Variants in SENP7 observed in about 807,000 individuals in gnomAD.
SENP7 encodes SUMO specific peptidase 7, also known as sentrin-specific protease 7.
In SENP7, 64 loss-of-function variants were observed where a neutral mutation model predicts 141.2. That is an observed-to-expected ratio of 0.45 (90% CI 0.37 to 0.56). SENP7 has a LOEUF of 0.56. Among genes scored for constraint, SENP7 ranks in the 20% least tolerant of loss-of-function variants. The pLI is 0.00. For synonymous variants in SENP7, 382 were observed against 426.4 expected (o/e 0.90, Z 1.28); for missense variants, 1,025 against 1,212.2 (o/e 0.85, Z 2.29).
chr3:101,383,831 AG>A (rs2060576275), intron 6 of SENP7, among the ~76,000 whole-genome samples: 1 of 152,216 alleles, frequency 6.6e-6, no homozygotes, highest in East Asian at 1.9e-4. Flanking sequence ...GAGGCAGACC[AG>A]TTCCTGGGCA....
At chr3:101,466,912 G>A (rs1008708826) in intron 3 of SENP7, among the ~76,000 whole-genome samples, 4 of 152,184 alleles carry the variant, frequency 2.6e-5, no homozygotes, top group Admixed American at 6.5e-5. Context: ...AAGGAGTCAG[G>A]GGACTTCCCT....
intron 4 of SENP7, among the ~76,000 whole-genome samples, chr3:101,426,347 C>T (rs1029761686): frequency 1.3e-5 from 2 of 152,186 alleles, no homozygotes; most frequent in African/African-American, 4.8e-5. Flanking sequence ...ATCAGACTAA[C>T]AGCAGACATC....
At chr3:101,368,653 G>A (rs2060102614) in intron 7 of SENP7, among the ~76,000 whole-genome samples, 1 of 151,664 alleles carries the variant, frequency 6.6e-6, no homozygotes, top group African/African-American at 2.4e-5. Flanking sequence ...AATGGGTGCA[G>A]CACACCAACA....
intron 11 of SENP7, among the ~76,000 whole-genome samples, chr3:101,361,418 C>A (rs1452398087): frequency 6.6e-6 from 1 of 151,966 alleles, no homozygotes; most frequent in Admixed American, 6.6e-5. Flanking sequence ...CCAAACTATA[C>A]CTTGAAAAAA....
At chr3:101,404,197 G>C (rs6441602) in intron 5 of SENP7, among the ~76,000 whole-genome samples, 104,068 of 151,978 alleles carry the variant, frequency 0.68, 36,114 homozygotes, top group African/African-American at 0.78. Flanking sequence ...AACCAAAACA[G>C]CATGGTACTG....
chr3:101,358,299 C>A (rs111248938), intron 11 of SENP7: 624 of 1,051,688 alleles, frequency 5.9e-4, no homozygotes, highest in African/African-American at 5.4e-3. Context: ...TGGTCCTCAG[C>A]CCTTAATAAA....
chr3:101,463,644 C>T (rs2063664956), intron 3 of SENP7, among the ~76,000 whole-genome samples: 2 of 151,300 alleles, frequency 1.3e-5, no homozygotes, highest in South Asian at 4.2e-4. Flanking sequence ...GACCCAGAGA[C>T]CTGCAACTTA....
At chr3:101,391,508 A>G (rs1387176066) in intron 6 of SENP7, among the ~76,000 whole-genome samples, 1 of 152,194 alleles carries the variant, frequency 6.6e-6, no homozygotes, top group Non-Finnish European at 1.5e-5. Flanking sequence ...AAAAATTCCT[A>G]GAGACATACA....
At chr3:101,398,727 CG>C in intron 6 of SENP7, 133 bp downstream of exon 6, 2 of 646,950 alleles carry the variant, frequency 3.1e-6, no homozygotes, top group Non-Finnish European at 4.9e-6. Context: ...TCCAGCCACC[CG>C]GGGAGAAAAA....
At chr3:101,340,009 T>G in intron 16 of SENP7, 86 bp downstream of exon 16, 2 of 1,428,306 alleles carry the variant, frequency 1.4e-6, no homozygotes, top group Non-Finnish European at 1.8e-6. Context: ...TAACAGAATT[T>G]AAAATAATTC....
At chr3:101,454,670 A>C (rs1203725185) in intron 4 of SENP7, among the ~76,000 whole-genome samples, 1 of 152,228 alleles carries the variant, frequency 6.6e-6, no homozygotes, top group Non-Finnish European at 1.5e-5. Flanking sequence ...TATAAAAAGA[A>C]ATGAAATACT....
chr3:101,396,833 TG>T (rs944856282), intron 6 of SENP7, among the ~76,000 whole-genome samples: 16 of 152,166 alleles, frequency 1.1e-4, no homozygotes, highest in African/African-American at 3.6e-4. Context: ...CTTTTGTTGT[TG>T]TTGTTATTGT....
chr3:101,431,184 TG>T (rs1384098124), intron 4 of SENP7, among the ~76,000 whole-genome samples: 1 of 152,200 alleles, frequency 6.6e-6, no homozygotes, highest in Non-Finnish European at 1.5e-5. Context: ...GTTCTTTAGA[TG>T]TCTATTAGGT....
intron 13 of SENP7, among the ~76,000 whole-genome samples, chr3:101,346,905 TA>T (rs151294627): frequency 3.3e-4 from 41 of 125,660 alleles, no homozygotes; most frequent in East Asian, 2.2e-4. Flanking sequence ...CCCATGGAAA[TA>T]AAAAAAAAAT....
chr3:101,419,466 AG>A (rs1312285148), intron 4 of SENP7, among the ~76,000 whole-genome samples: 1 of 152,200 alleles, frequency 6.6e-6, no homozygotes, highest in African/African-American at 2.4e-5. Context: ...TAATTTACGG[AG>A]ATGATGACTT....
At chr3:101,498,126 A>G (rs987753856) in intron 2 of SENP7, among the ~76,000 whole-genome samples, 3 of 152,236 alleles carry the variant, frequency 2.0e-5, no homozygotes, top group African/African-American at 7.2e-5. Context: ...TCATAAATCT[A>G]TAATGAATGG....
At chr3:101,457,580 CTTCTT>C in intron 4 of SENP7, 1 of 1,593,900 alleles carries the variant, frequency 6.3e-7, no homozygotes, top group Non-Finnish European at 8.6e-7. Context: ...TTACCCCTAA[CTTCTT>C]TAAGGAGAAC....
intron 16 of SENP7, among the ~76,000 whole-genome samples, chr3:101,338,061 G>A (rs373589884): frequency 2.0e-5 from 3 of 151,660 alleles, no homozygotes; most frequent in Middle Eastern, 6.8e-3. Context: ...GCTGAGGCAG[G>A]AGAATCACTT....
chr3:101,391,599 G>C (rs1362891693), intron 6 of SENP7, among the ~76,000 whole-genome samples: 1 of 152,042 alleles, frequency 6.6e-6, no homozygotes, highest in African/African-American at 2.4e-5. Flanking sequence ...GTAATAAAAG[G>C]TCTATCAACA....
Sources: allele counts gnomAD v4.1 joint callset (sites outside exome capture counted in the v4.1 genomes callset), GRCh38; gene constraint gnomAD v4.1.1; transcripts MANE v1.5; gene names NCBI Gene and HGNC (gene_info 2026-07-23, HGNC 2026-07-21).